The following CD244 variants were observed in gnomAD, a reference collection of about 807,000 sequenced individuals.
The protein encoded by CD244 is natural killer cell receptor 2B4.
CD244 carries 20 observed loss-of-function variants against 45.5 expected under a neutral mutation model. That is an observed-to-expected ratio of 0.44 (90% CI 0.31 to 0.64). The LOEUF (loss-of-function observed/expected upper bound fraction) is 0.64. Ranked by LOEUF, CD244 falls within the 30% of genes least tolerant of loss-of-function variation. The probability of loss-of-function intolerance (pLI) is 0.08; values close to 1 mark genes in which losing one functional copy is unlikely to be tolerated. For missense variants in CD244, 407 were observed against 426.9 expected (o/e 0.95, Z 0.41); for synonymous variants, 185 against 160.5 (o/e 1.15, Z -1.15).
intron 1 of CD244, among the ~76,000 whole-genome samples, chr1:160,852,367 T>C (rs1362369399): frequency 6.6e-6 from 1 of 151,888 alleles, no homozygotes; most frequent in Non-Finnish European, 1.5e-5. Context: ...CTGGCCAACA[T>C]GGTGAAACCC....
At chr1:160,860,423 T>A (rs192887073) in intron 1 of CD244, among the ~76,000 whole-genome samples, 3 of 152,110 alleles carry the variant, frequency 2.0e-5, no homozygotes, top group Admixed American at 1.3e-4. Flanking sequence ...TAATACATGA[T>A]CTTGATTGCA....
chr1:160,833,423 C>A (rs533675391), intron 7 of CD244, among the ~76,000 whole-genome samples: 21 of 152,336 alleles, frequency 1.4e-4, no homozygotes, highest in African/African-American at 5.0e-4. Context: ...GCCTTGGGAA[C>A]ACCACTCTTC....
intron 1 of CD244, among the ~76,000 whole-genome samples, chr1:160,849,168 C>T (rs1039877063): frequency 6.6e-6 from 1 of 152,076 alleles, no homozygotes; most frequent in Admixed American, 6.5e-5. Context: ...TGCATTTGGT[C>T]ACAGAAGTCT....
At chr1:160,834,192 C>T (rs1176237677) in intron 6 of CD244, 76 bp from the exon 7 acceptor site, 9 of 1,119,530 alleles carry the variant, frequency 8.0e-6, no homozygotes, top group Non-Finnish European at 1.2e-5. Context: ...TCTTCCGTTT[C>T]TCCTCCTCAA....
At chr1:160,853,952 G>T (rs920038277) in intron 1 of CD244, among the ~76,000 whole-genome samples, 1 of 152,128 alleles carries the variant, frequency 6.6e-6, no homozygotes, top group Non-Finnish European at 1.5e-5. Flanking sequence ...CCCAGAGGCG[G>T]TGGGTGGGAG....
intron 1 of CD244, among the ~76,000 whole-genome samples, chr1:160,846,929 T>C (rs924675421): frequency 2.6e-5 from 4 of 152,160 alleles, no homozygotes; most frequent in Non-Finnish European, 4.4e-5. Context: ...TCAAACTATA[T>C]TGTTGGAGGT....
In CD244 at chr1:160,859,359, A is replaced by C. The variant is rs148852294; in HGVS notation, c.61+3258T>G. ...GTAAAATGCATGGCTTTTACTCTGC[A>C]TGAAAGAAGAAGTCTTTGGAAGAAT... On this transcript the variant is annotated intron_variant, in intron 1 of 8. Coordinates refer to ENST00000368034, the MANE Select transcript of CD244 (RefSeq NM_016382.4). 3.8e-3 allele frequency among the ~76,000 whole-genome samples: 578 copies of C among 152,358 alleles called. 8 individuals carry two copies. Among genetic ancestry groups the C allele is most frequent in the Non-Finnish European group, 5.5e-3 (374 of 68,036 alleles).
At position 160,834,118 on chromosome 1, in the gene CD244, T is replaced by C; in HGVS notation, c.895-2A>G. On this transcript the variant is annotated splice_acceptor_variant, in intron 6 of 8. Transcript: ENST00000368034. LOFTEE classifies it high-confidence loss of function. ...TTCTTGTGACGTGGGAGCAGAAGAC[T>C]AATGAGAAGAGAAATAAAATCATTT... 1 of 1,588,052 alleles carries C rather than the reference T, an allele frequency of 6.3e-7. No homozygotes were observed. The highest frequency in any genetic ancestry group is 8.6e-7 in the Non-Finnish European group (1 of 1,156,228).
rs1669101793 is a variant in CD244, at chr1:160,831,200, T to C, written c.*147A>G. 3 of 652,378 alleles carry C rather than the reference T, an allele frequency of 4.6e-6. No individual in the cohort carries two copies. Among genetic ancestry groups the C allele is most frequent in the Non-Finnish European group, 8.3e-6 (3 of 363,156 alleles). The allele number at this position is 652,378 out of a possible 1,614,324, so 40.4% of individuals were successfully genotyped here. A position where few individuals can be genotyped will look rare whatever the true frequency, so the allele number is the denominator to read the frequency against. On this transcript the variant is annotated 3_prime_UTR_variant, in exon 9 of 9. Transcript: ENST00000368034. ...TCTTATCATGGTTGTTAGACATCAT[T>C]TTCAAAACAAAATATAGAACAAGAA...
chr1:160,848,797 C>T (rs1400062446), intron 1 of CD244, among the ~76,000 whole-genome samples: 1 of 151,086 alleles, frequency 6.6e-6, no homozygotes, highest in Non-Finnish European at 1.5e-5. Context: ...GGCATGGAAG[C>T]TTCGTGTCCC....
chr1:160,841,876 C>T lies in CD244; in HGVS notation c.87G>A (p.Val29=), dbSNP rs1669558763. 4 of 1,613,888 alleles carry T rather than the reference C, an allele frequency of 2.5e-6. No individual in the cohort carries two copies. Among genetic ancestry groups the T allele is most frequent in the Non-Finnish European group, 3.4e-6 (4 of 1,179,978 alleles). The change falls in exon 2 of 9, where the codon GTG becomes GTA. Residue 29 remains valine, a synonymous_variant. Coordinates refer to ENST00000368034, the MANE Select transcript of CD244 (RefSeq NM_016382.4). ...GKGCQGSADH[V]VSISGVPLQL... The stretch of plus-strand genomic sequence containing the variant: ...GAAGAGGCACTCCCGAGATGCTAAC[C>T]ACATGGTCAGCTGATCCCTGGCATC...
chr1:160,859,641 T>C (rs1408058045), intron 1 of CD244, among the ~76,000 whole-genome samples: 2 of 151,550 alleles, frequency 1.3e-5, no homozygotes, highest in Non-Finnish European at 2.9e-5. Flanking sequence ...GCATGATGGC[T>C]CACACTTGTA....
intron 1 of CD244, among the ~76,000 whole-genome samples, chr1:160,859,639 G>A (rs1670223762): frequency 6.6e-6 from 1 of 151,786 alleles, no homozygotes; most frequent in Non-Finnish European, 1.5e-5. Context: ...AGGCATGATG[G>A]CTCACACTTG....
At chr1:160,848,801 G>A (rs540584725) in intron 1 of CD244, among the ~76,000 whole-genome samples, 5 of 152,300 alleles carry the variant, frequency 3.3e-5, no homozygotes, top group East Asian at 1.9e-4. Flanking sequence ...TGGAAGCTTC[G>A]TGTCCCTTCC....
rs565552107 is a variant in CD244, at chr1:160,840,503, C to T, written c.655+707G>A. ...GTCTCAAACTCCTGACCTTGTGATC[C>T]ACCCACCTCAGCCTCCCAAAGTGCT... On this transcript the variant is annotated intron_variant, in intron 3 of 8. Transcript: ENST00000368034. Among the ~76,000 whole-genome samples the T allele has an allele frequency of 6.2e-4, 94 of 152,234 alleles. 4 individuals are homozygous for T. The South Asian group carries it at 0.018, about 30-fold the overall frequency.
Position 160,862,632 on chromosome 1 carries a change from C to T in CD244, c.46G>A (p.Val16Met). Residue 16 changes from valine to methionine, a missense_variant, in exon 1 of 9, where the codon GTG becomes ATG. Transcript: ENST00000368034. ...VTLILLLLLK[V>M]YQGKGCQGSA... ...ACCTCCTTACCTTTGCCCTGATACA[C>T]CTTGAGGAGCAGGAGGAGTATGAGG... 1.2e-6 allele frequency: 2 copies of T among 1,614,052 alleles called. No homozygotes were observed.
chr1:160,841,160 G>A lies in CD244; in HGVS notation c.655+50C>T, dbSNP rs180830631. ...ATCTGTCTTGCACATGAGCCTGGTT[G>A]CGGGGTCCAAACCTTCAGCGCTTGT... On this transcript the variant is annotated intron_variant, in intron 3 of 8. Coordinates refer to ENST00000368034, the MANE Select transcript of CD244 (RefSeq NM_016382.4). 1.2e-4 allele frequency: 191 copies of A among 1,568,912 alleles called. 1 individual carries two copies. Among genetic ancestry groups the A allele is most frequent in the Non-Finnish European group, 1.5e-4 (173 of 1,142,652 alleles).
Position 160,854,349 on chromosome 1 carries a change from C to T in CD244, c.61+8268G>A, listed in dbSNP as rs1165467403. ...ATTATAAAACTGAATAGGAATCACA[C>T]AGGAAAATGGTTAAGTTATTGTCTA... On this transcript the variant is annotated intron_variant, in intron 1 of 8. Coordinates refer to ENST00000368034, the MANE Select transcript of CD244 (RefSeq NM_016382.4). 6.6e-5 allele frequency among the ~76,000 whole-genome samples: 10 copies of T among 152,048 alleles called. 1 individual carries two copies. The South Asian group carries it at 8.3e-4, about 13-fold the overall frequency.
At chr1:160,852,817 G>A (rs1669965949) in intron 1 of CD244, among the ~76,000 whole-genome samples, 1 of 151,972 alleles carries the variant, frequency 6.6e-6, no homozygotes, top group Non-Finnish European at 1.5e-5. Flanking sequence ...GAGGTCAGGA[G>A]TTTGAGACCA....
Sources: gnomAD v4.1 joint callset for allele counts (sites outside exome capture counted in the v4.1 genomes callset) on GRCh38, gnomAD v4.1.1 for gene constraint, MANE v1.5 for transcripts, NCBI Gene and HGNC (gene_info 2026-07-23, HGNC 2026-07-21) for gene names.